The following NRG3 variants were observed in gnomAD, a reference collection of about 807,000 sequenced individuals.
The protein encoded by NRG3 is neuregulin 3.
A neutral mutation model predicts 66.9 loss-of-function variants in NRG3; 31 were observed. The observed-to-expected ratio is 0.46, with a 90% CI of 0.35 to 0.63. NRG3 has a LOEUF of 0.63. NRG3 is among the 20% of genes least tolerant of loss of function. NRG3 has a pLI of 0.00. For missense variants in NRG3, 910 were observed against 878.9 expected, an observed-to-expected ratio of 1.04 and a Z score of -0.45; for synonymous variants, 393 against 359.4, an observed-to-expected ratio of 1.09 and a Z score of -1.06.
chr10:82,420,372 C>T (rs760185910), intron 2 of NRG3, among the ~76,000 whole-genome samples: 51 of 152,218 alleles, frequency 3.4e-4, no homozygotes, highest in Non-Finnish European at 6.2e-4. Flanking sequence ...CATTTTAATG[C>T]TCATCAATTT....
At chr10:82,471,608 C>A (rs1437680532) in intron 2 of NRG3, among the ~76,000 whole-genome samples, 1 of 152,118 alleles carries the variant, frequency 6.6e-6, no homozygotes, top group Non-Finnish European at 1.5e-5. Flanking sequence ...TGAAAGAATT[C>A]TATTCGTAAT....
At chr10:82,186,265 AGAG>A (rs1178969846) in intron 1 of NRG3, among the ~76,000 whole-genome samples, 5 of 152,174 alleles carry the variant, frequency 3.3e-5, no homozygotes, top group Admixed American at 1.3e-4. Context: ...TCACCAGTAA[AGAG>A]GAATCCAGGG....
At chr10:82,546,235 A>G (rs1269717313) in intron 2 of NRG3, among the ~76,000 whole-genome samples, 2 of 152,218 alleles carry the variant, frequency 1.3e-5, no homozygotes, top group Non-Finnish European at 2.9e-5. Flanking sequence ...AGTTCTTAGC[A>G]ACTGCATTCT....
chr10:82,025,042 T>C (rs960039670), intron 1 of NRG3, among the ~76,000 whole-genome samples: 17 of 152,072 alleles, frequency 1.1e-4, no homozygotes, highest in African/African-American at 3.9e-4. Context: ...AAATATGTTT[T>C]GCAAGAAAGT....
intron 1 of NRG3, among the ~76,000 whole-genome samples, chr10:82,076,192 A>G: frequency 6.6e-6 from 1 of 152,136 alleles, no homozygotes; most frequent in East Asian, 1.9e-4. Context: ...CTTCTTTGCT[A>G]AGTCTTCACA....
At chr10:82,982,286 AACCAAGTG>A (rs1249373421) in intron 8 of NRG3, among the ~76,000 whole-genome samples, 19 of 152,218 alleles carry the variant, frequency 1.2e-4, no homozygotes, top group Non-Finnish European at 2.5e-4. Flanking sequence ...CTGGGAACCA[AACCAAGTG>A]ACTAATAGTT....
At chr10:82,918,669 G>T (rs1361954837) in intron 4 of NRG3, among the ~76,000 whole-genome samples, 3 of 152,074 alleles carry the variant, frequency 2.0e-5, no homozygotes, top group African/African-American at 7.2e-5. Flanking sequence ...GTTTCACTGT[G>T]CCTGAAGCCT....
At chr10:82,815,926 G>A (rs2061686532) in intron 3 of NRG3, among the ~76,000 whole-genome samples, 1 of 152,188 alleles carries the variant, frequency 6.6e-6, no homozygotes, top group Non-Finnish European at 1.5e-5. Context: ...AGCTCCAGGC[G>A]CTAGCACACG....
chr10:82,590,669 C>G (rs2046932662), intron 2 of NRG3, among the ~76,000 whole-genome samples: 1 of 152,178 alleles, frequency 6.6e-6, no homozygotes, highest in African/African-American at 2.4e-5. Context: ...CACCTGTGCT[C>G]AGCTTGGGCT....
chr10:82,917,916 T>A (rs1243100386), intron 4 of NRG3, among the ~76,000 whole-genome samples: 2 of 150,040 alleles, frequency 1.3e-5, no homozygotes, highest in Non-Finnish European at 3.0e-5. Context: ...AATTGTATTT[T>A]TATATATACA....
chr10:81,986,302 T>C (rs926522060), intron 1 of NRG3, among the ~76,000 whole-genome samples: 22 of 152,124 alleles, frequency 1.4e-4, no homozygotes, highest in African/African-American at 4.6e-4. Context: ...TTAACTGATA[T>C]ATTATTAAAA....
At chr10:82,761,276 C>T (rs898308751) in intron 3 of NRG3, among the ~76,000 whole-genome samples, 1 of 151,946 alleles carries the variant, frequency 6.6e-6, no homozygotes, top group Non-Finnish European at 1.5e-5. Flanking sequence ...ATCTGTGGAA[C>T]CCTTCTAAAT....
chr10:82,081,252 T>C (rs2065373104), intron 1 of NRG3, among the ~76,000 whole-genome samples: 1 of 151,920 alleles, frequency 6.6e-6, no homozygotes, highest in Non-Finnish European at 1.5e-5. Flanking sequence ...ATTCCAAGAG[T>C]AGAGAAGAAT....
At chr10:82,404,909 G>A (rs2087385900) in intron 2 of NRG3, among the ~76,000 whole-genome samples, 1 of 152,100 alleles carries the variant, frequency 6.6e-6, no homozygotes, top group South Asian at 2.1e-4. Flanking sequence ...ACAGGTTCTG[G>A]TAGAGCGAGA....
At chr10:82,181,125 C>T (rs1246311235) in intron 1 of NRG3, among the ~76,000 whole-genome samples, 1 of 151,448 alleles carries the variant, frequency 6.6e-6, no homozygotes, top group African/African-American at 2.4e-5. Flanking sequence ...ATTTCTAATT[C>T]TCTTCATTTA....
chr10:82,000,085 A>T (rs892303428), intron 1 of NRG3, among the ~76,000 whole-genome samples: 4 of 152,230 alleles, frequency 2.6e-5, no homozygotes, highest in African/African-American at 9.6e-5. Context: ...AAATGTAGAT[A>T]TATTTTAGTT....
At position 82,544,659 on chromosome 10, in the gene NRG3, C is replaced by T. The variant is rs192439956; in HGVS notation, c.953+185791C>T. 5.3e-4 allele frequency among the ~76,000 whole-genome samples: 81 copies of T among 152,296 alleles called. 1 individual carries two copies. Among genetic ancestry groups the T allele is most frequent in the Admixed American group, 2.7e-3 (41 of 15,296 alleles). Reference sequence around the variant, plus strand: ...TGGAGGAGGGCTAGTTTGCTCTACACATCCATTGCCTTCCTAGATGAGTTG... The same window carrying T: ...TGGAGGAGGGCTAGTTTGCTCTACATATCCATTGCCTTCCTAGATGAGTTG... On this transcript the variant is annotated intron_variant, in intron 2 of 8. Transcript: ENST00000372141.
intron 4 of NRG3, among the ~76,000 whole-genome samples, chr10:82,938,777 G>T (rs184872521): frequency 1.3e-5 from 2 of 152,268 alleles, no homozygotes; most frequent in Admixed American, 6.5e-5. Flanking sequence ...CCCTTAAACC[G>T]CTGGGTCAGA....
At chr10:82,637,331 G>A (rs577934189) in intron 2 of NRG3, among the ~76,000 whole-genome samples, 2 of 152,052 alleles carry the variant, frequency 1.3e-5, no homozygotes, top group Admixed American at 1.3e-4. Context: ...ATAGAAAAAA[G>A]AATTTGTTCT....
Sources: allele counts gnomAD v4.1 joint callset (sites outside exome capture counted in the v4.1 genomes callset), GRCh38; gene constraint gnomAD v4.1.1; transcripts MANE v1.5; gene names NCBI Gene and HGNC (gene_info 2026-07-23, HGNC 2026-07-21).